The following MCCC2 variants were observed in gnomAD, a reference collection of about 807,000 sequenced individuals.
The protein encoded by MCCC2 is methylcrotonoyl-CoA carboxylase beta chain, mitochondrial.
A neutral mutation model predicts 77.2 loss-of-function variants in MCCC2; 52 were observed. That is an observed-to-expected ratio of 0.67 (90% CI 0.54 to 0.85). MCCC2 has a LOEUF of 0.85. Among genes scored for constraint, MCCC2 ranks in the 40% least tolerant of loss-of-function variants. The pLI is 0.00. For synonymous variants in MCCC2, 253 were observed against 248.4 expected, an observed-to-expected ratio of 1.02 and a Z score of -0.18; for missense variants, 682 against 703.2, an observed-to-expected ratio of 0.97 and a Z score of 0.34.
At chr5:71,655,689 G>A (rs1437031649) in intron 16 of MCCC2, among the ~76,000 whole-genome samples, 1 of 152,104 alleles carries the variant, frequency 6.6e-6, no homozygotes, top group East Asian at 1.9e-4. Flanking sequence ...TTGATGCCAG[G>A]TTCAGATACC....
intron 6 of MCCC2, among the ~76,000 whole-genome samples, chr5:71,609,652 T>TA: frequency 6.6e-6 from 1 of 151,520 alleles, no homozygotes; most frequent in African/African-American, 2.4e-5. Context: ...CTCTGCGTTT[T>TA]AGAGTTTCCA....
intron 3 of MCCC2, among the ~76,000 whole-genome samples, chr5:71,598,338 G>C (rs1196328796): frequency 6.6e-6 from 1 of 151,820 alleles, no homozygotes; most frequent in African/African-American, 2.4e-5. Context: ...CAAAGTGCCG[G>C]GATTACAGGC....
At chr5:71,625,319 C>T (rs959130138) in intron 6 of MCCC2, among the ~76,000 whole-genome samples, 15 of 152,146 alleles carry the variant, frequency 9.9e-5, no homozygotes, top group African/African-American at 3.1e-4. Flanking sequence ...TTGCTTCCCA[C>T]AGAAATTTGA....
At chr5:71,624,030 A>G (rs551413074) in intron 6 of MCCC2, among the ~76,000 whole-genome samples, 10 of 152,334 alleles carry the variant, frequency 6.6e-5, no homozygotes, top group African/African-American at 1.9e-4. Context: ...TTTATTTCTC[A>G]TAACTCTGGA....
At chr5:71,590,963 G>T (rs1346532552) in intron 1 of MCCC2, among the ~76,000 whole-genome samples, 3 of 152,194 alleles carry the variant, frequency 2.0e-5, no homozygotes, top group Non-Finnish European at 4.4e-5. Flanking sequence ...GTTGTAGGGT[G>T]ACAAGTTCTG....
intron 10 of MCCC2, among the ~76,000 whole-genome samples, chr5:71,637,891 T>G (rs1383738337): frequency 6.6e-6 from 1 of 152,116 alleles, no homozygotes; most frequent in Non-Finnish European, 1.5e-5. Flanking sequence ...TTTTTGTATT[T>G]TTAGTAGAGA....
At chr5:71,648,183 A>G (rs1369862001) in intron 13 of MCCC2, among the ~76,000 whole-genome samples, 1 of 152,192 alleles carries the variant, frequency 6.6e-6, no homozygotes, top group Non-Finnish European at 1.5e-5. Context: ...GAATTGGATG[A>G]CCAGATACTG....
intron 7 of MCCC2, among the ~76,000 whole-genome samples, chr5:71,627,630 A>G (rs1746576921): frequency 6.6e-6 from 1 of 152,170 alleles, no homozygotes; most frequent in Non-Finnish European, 1.5e-5. Flanking sequence ...TGTGTTTAGC[A>G]TTTTGAAAAA....
Position 71,634,992 on chromosome 5 carries a change from C to T in MCCC2, c.853C>T (p.His285Tyr). 1 of 1,614,104 alleles carries T rather than the reference C, an allele frequency of 6.2e-7. No individual in the cohort carries two copies. Among genetic ancestry groups the T allele is most frequent in the South Asian group, 1.1e-5 (1 of 91,086 alleles). Residue 285 changes from histidine (H) to tyrosine (Y), a missense_variant, in exon 9 of 17, where the codon CAC becomes TAC. Coordinates refer to ENST00000340941, the MANE Select transcript of MCCC2 (RefSeq NM_022132.5). ...GGCTTTGGATGATCATCATGCCCTT[C>T]ACTTAACTAGGAAGGTTGTGAGGAA... ...HWALDDHHAL[H>Y]LTRKVVRNLN... is the part of the protein sequence containing the mutation.
At chr5:71,589,124 G>C (rs1444441471) in intron 1 of MCCC2, among the ~76,000 whole-genome samples, 1 of 152,108 alleles carries the variant, frequency 6.6e-6, no homozygotes, top group African/African-American at 2.4e-5. Context: ...ATAAATACCT[G>C]AGGAGCAAAG....
At chr5:71,656,556 A>AT (rs1372726017) in intron 16 of MCCC2, among the ~76,000 whole-genome samples, 187 bp from the exon 17 acceptor site, 1 of 152,008 alleles carries the variant, frequency 6.6e-6, no homozygotes, top group Non-Finnish European at 1.5e-5. Context: ...AGGTCATATC[A>AT]TTTTTTTCCA....
chr5:71,658,225 G>A lies in MCCC2; in HGVS notation c.*1365G>A, dbSNP rs556594457. 6.6e-6 allele frequency: 1 copy of A among 152,238 alleles called. No homozygotes were observed. Among genetic ancestry groups the A allele is most frequent in the South Asian group, 2.1e-4 (1 of 4,816 alleles). The allele number at this position is 152,238 out of a possible 1,614,324, so 9.4% of individuals were successfully genotyped here. On this transcript the variant is annotated 3_prime_UTR_variant, in exon 17 of 17. Coordinates refer to ENST00000340941, the MANE Select transcript of MCCC2 (RefSeq NM_022132.5). ...TTTACACCGGAGAACGGCTCCAGCT[G>A]TTCTAGCTCTCTTTCAGTTCTTTGA...
At chr5:71,587,585 C>T in intron 1 of MCCC2, 31 bp downstream of exon 1, 1 of 1,529,380 alleles carries the variant, frequency 6.5e-7, no homozygotes, top group Non-Finnish European at 8.8e-7. Context: ...GCCTGGCCGC[C>T]GGTGCCAGGC....
chr5:71,646,793 T>G (rs1747285702), intron 13 of MCCC2, among the ~76,000 whole-genome samples: 1 of 152,240 alleles, frequency 6.6e-6, no homozygotes, highest in African/African-American at 2.4e-5. Context: ...AGGAGCATGA[T>G]CTGATCACTG....
chr5:71,601,484 A>C (rs1214264780), intron 4 of MCCC2, among the ~76,000 whole-genome samples: 1 of 152,174 alleles, frequency 6.6e-6, no homozygotes, highest in East Asian at 1.9e-4. Flanking sequence ...TACTCTATAA[A>C]ATGTTCATTG....
chr5:71,609,824 G>A (rs1478645607), intron 6 of MCCC2, among the ~76,000 whole-genome samples: 6 of 152,066 alleles, frequency 3.9e-5, no homozygotes, highest in African/African-American at 1.4e-4. Flanking sequence ...GGAATACCCT[G>A]CCGTGTGAGA....
chr5:71,656,240 A>G (rs1366646704), intron 16 of MCCC2, among the ~76,000 whole-genome samples: 1 of 152,032 alleles, frequency 6.6e-6, no homozygotes, highest in African/African-American at 2.4e-5. Flanking sequence ...ATAATAATAA[A>G]TAAGATAAAA....
chr5:71,613,390 GTACT>G (rs746127543), intron 6 of MCCC2, among the ~76,000 whole-genome samples: 10 of 152,314 alleles, frequency 6.6e-5, no homozygotes, highest in South Asian at 2.1e-4. Flanking sequence ...AATCAAAAGT[GTACT>G]TACTTCTTGG....
chr5:71,623,952 G>C (rs991074008), intron 6 of MCCC2, among the ~76,000 whole-genome samples: 1 of 152,140 alleles, frequency 6.6e-6, no homozygotes, highest in Non-Finnish European at 1.5e-5. Flanking sequence ...TACTCAAATG[G>C]TGTCTTAGTC....
Sources: allele counts gnomAD v4.1 joint callset (sites outside exome capture counted in the v4.1 genomes callset), GRCh38; gene constraint gnomAD v4.1.1; transcripts MANE v1.5; gene names NCBI Gene and HGNC (gene_info 2026-07-23, HGNC 2026-07-21).